Variants in PPP2R1A observed in about 807,000 individuals in gnomAD.
PPP2R1A encodes serine/threonine-protein phosphatase 2A 65 kDa regulatory subunit A alpha isoform.
A neutral mutation model predicts 67.1 loss-of-function variants in PPP2R1A; 15 were observed. The ratio of observed to expected loss-of-function variants is 0.22; its 90% CI spans 0.15 to 0.34. The LOEUF (loss-of-function observed/expected upper bound fraction) is 0.34. PPP2R1A is among the 10% of genes least tolerant of loss of function. The probability of loss-of-function intolerance (pLI) is 1.00; values close to 1 mark genes in which losing one functional copy is unlikely to be tolerated. For missense variants in PPP2R1A, 369 were observed against 775.0 expected (o/e 0.48, Z 6.22); for synonymous variants, 337 against 325.0 (o/e 1.04, Z -0.40).
intron 1 of PPP2R1A, among the ~76,000 whole-genome samples, chr19:52,200,911 G>A (rs1360171941): frequency 3.9e-5 from 6 of 151,986 alleles, no homozygotes; most frequent in Non-Finnish European, 8.8e-5. Context: ...ACTTAACTAC[G>A]TCTGCAAAGA....
intron 3 of PPP2R1A, 151 bp downstream of exon 3, chr19:52,206,214 G>A (rs2089600901): frequency 1.5e-6 from 1 of 659,164 alleles, no homozygotes; most frequent in Non-Finnish European, 2.6e-6. Flanking sequence ...CAACAAGTCA[G>A]GAGTGGCTTT....
chr19:52,197,369 C>G (rs1033343001), intron 1 of PPP2R1A, among the ~76,000 whole-genome samples: 1 of 152,056 alleles, frequency 6.6e-6, no homozygotes, highest in African/African-American at 2.4e-5. Context: ...CACCCCACCC[C>G]TCTACAAGAG....
At chr19:52,190,384 A>C in intron 1 of PPP2R1A, 1 of 630,656 alleles carries the variant, frequency 1.6e-6, no homozygotes, top group Non-Finnish European at 2.8e-6. Context: ...GGCCAGCGCT[A>C]GCCTCGAGGG....
At chr19:52,224,990 C>T (rs149222536) in intron 13 of PPP2R1A, among the ~76,000 whole-genome samples, 5 of 150,610 alleles carry the variant, frequency 3.3e-5, no homozygotes, top group East Asian at 3.9e-4. Context: ...CTTGAGCCCC[C>T]GTGCTCGGCC....
At chr19:52,205,519 T>C (rs1479835375) in intron 2 of PPP2R1A, among the ~76,000 whole-genome samples, 1 of 152,130 alleles carries the variant, frequency 6.6e-6, no homozygotes, top group Non-Finnish European at 1.5e-5. Context: ...GCGGCTAAAC[T>C]GAATCTCCAA....
rs1019700901 is a variant in PPP2R1A at position 52,211,630 on chromosome 19, T to C, written c.503+138T>C. On this transcript the variant is annotated intron_variant, in intron 4 of 14. Coordinates refer to ENST00000322088, the MANE Select transcript of PPP2R1A (RefSeq NM_014225.6). The surrounding 1 kb of genome is among the most constrained non-coding windows in gnomAD (Gnocchi z 5.3). ...ACTCCCACTCCTGCTTACCACCTGA[T>C]AGGCCACATCCTCGAGAGTTGGTCT... 8 of 834,594 alleles carry C rather than the reference T, an allele frequency of 9.6e-6. No homozygotes were observed. Among genetic ancestry groups the C allele is most frequent in the Non-Finnish European group, 1.5e-5 (8 of 544,106 alleles). The allele number at this position is 834,594 out of a possible 1,614,324, so 51.7% of individuals were successfully genotyped here.
intron 1 of PPP2R1A, among the ~76,000 whole-genome samples, chr19:52,199,944 A>G (rs1436223587): frequency 6.6e-6 from 1 of 152,140 alleles, no homozygotes; most frequent in East Asian, 1.9e-4. Context: ...TGTATGAAAG[A>G]TTTACTGTGT....
chr19:52,220,966 C>A lies in PPP2R1A; in HGVS notation c.1364-13C>A. Reference sequence around the variant, plus strand: ...TCCAAATCCCTGTCTCTCTCACCCTCACCCTTCTGCAGTATATGCCATCCG... The same window carrying A: ...TCCAAATCCCTGTCTCTCTCACCCTAACCCTTCTGCAGTATATGCCATCCG... On this transcript the variant is annotated splice_polypyrimidine_tract_variant and intron_variant, in intron 11 of 14. Coordinates refer to ENST00000322088, the MANE Select transcript of PPP2R1A (RefSeq NM_014225.6). 4 of 1,613,996 alleles carry A rather than the reference C, an allele frequency of 2.5e-6. No homozygotes were observed. The South Asian group carries it at 3.3e-5, about 13-fold the overall frequency.
chr19:52,225,298 A>G (rs1355365879), intron 13 of PPP2R1A, among the ~76,000 whole-genome samples: 2 of 152,208 alleles, frequency 1.3e-5, no homozygotes, highest in East Asian at 3.9e-4. Flanking sequence ...CTGGGATTAC[A>G]GATGTGAGCC....
intron 9 of PPP2R1A, among the ~76,000 whole-genome samples, chr19:52,217,954 A>C (rs1978683356): frequency 6.6e-6 from 1 of 152,092 alleles, no homozygotes; most frequent in South Asian, 2.1e-4. Context: ...GAAGGATTGA[A>C]GTGAGGTGGC....
rs1600175946 is a variant in PPP2R1A, at chr19:52,226,018, A to C, written c.*37A>C. The C allele has an allele frequency of 6.2e-7, 1 of 1,613,906 alleles. No individual in the cohort carries two copies. ...GAGCAAACACTGGCCTCTGGTGTCC[A>C]CCCTCCAACCCCCACAAGTCCCTCT... On this transcript the variant is annotated 3_prime_UTR_variant, in exon 15 of 15. Transcript: ENST00000322088.
intron 1 of PPP2R1A, among the ~76,000 whole-genome samples, chr19:52,194,946 G>GT (rs2089484858): frequency 1.3e-5 from 2 of 152,226 alleles, no homozygotes; most frequent in South Asian, 2.1e-4. Context: ...TGGGCTGTTT[G>GT]TTTTTTTGGT....
chr19:52,193,063 A>G (rs1367998406), intron 1 of PPP2R1A, among the ~76,000 whole-genome samples: 1 of 152,268 alleles, frequency 6.6e-6, no homozygotes, highest in African/African-American at 2.4e-5. Flanking sequence ...TGTTAGGTAC[A>G]GTACAGAGGA....
Position 52,211,921 on chromosome 19 carries a change from A to C in PPP2R1A, c.503+429A>C, listed in dbSNP as rs192604528. ...TGCTCGTCTACTTTGCAAACGATTG[A>C]CCGTCAAGCCCGGGTTTGAGCCTGA... On this transcript the variant is annotated intron_variant, in intron 4 of 14. Coordinates refer to ENST00000322088, the MANE Select transcript of PPP2R1A (RefSeq NM_014225.6). This position sits in a 1 kb window ranked among gnomAD's most constrained non-coding sequence, Gnocchi z 5.3. 7.6e-4 allele frequency among the ~76,000 whole-genome samples: 116 copies of C among 152,270 alleles called. No individual in the cohort carries two copies. The highest frequency in any genetic ancestry group is 2.6e-3 in the African/African-American group (110 of 41,542).
Position 52,219,678 on chromosome 19 carries a change from TTCCTC to T in PPP2R1A, c.1129-7_1129-3del, listed in dbSNP as rs1064797248. On this transcript the variant is annotated splice_polypyrimidine_tract_variant and splice_region_variant and intron_variant, in intron 9 of 14. Transcript: ENST00000322088. The surrounding 1 kb of genome is among the most constrained non-coding windows in gnomAD (Gnocchi z 4.0). ...CATTGCATTCTCTCAGAATCCTTCTTTCCTCTCCTCAGTGCCCTGAGGTACGGCTG... is the reference window on the plus strand; with the variant it reads ...CATTGCATTCTCTCAGAATCCTTCTTTCCTCAGTGCCCTGAGGTACGGCTG... 9.4e-6 allele frequency: 15 copies of T among 1,603,632 alleles called. No homozygotes were observed. Among genetic ancestry groups the T allele is most frequent in the Non-Finnish European group, 1.2e-5 (14 of 1,172,360 alleles).
At chr19:52,222,931 C>A (rs1979029511) in intron 13 of PPP2R1A, among the ~76,000 whole-genome samples, 1 of 152,250 alleles carries the variant, frequency 6.6e-6, no homozygotes, top group African/African-American at 2.4e-5. Flanking sequence ...TCCCTGAACT[C>A]ATCTTTAGAT....
intron 1 of PPP2R1A, chr19:52,190,896 C>G (rs1388320739): frequency 6.6e-6 from 1 of 152,418 alleles, no homozygotes; most frequent in African/African-American, 2.4e-5. Flanking sequence ...CTGTGTCGCC[C>G]AGGCTGGGGC....
rs1284088279 is a variant in PPP2R1A at position 52,226,023 on chromosome 19, C to T, written c.*42C>T. On this transcript the variant is annotated 3_prime_UTR_variant, in exon 15 of 15. Transcript: ENST00000322088. ...AACACTGGCCTCTGGTGTCCACCCT[C>T]CAACCCCCACAAGTCCCTCTTTGGG... is the stretch of plus-strand genomic sequence containing the variant. The T allele has an allele frequency of 6.2e-7, 1 of 1,614,126 alleles. No homozygotes were observed. Among genetic ancestry groups the T allele is most frequent in the Admixed American group, 1.7e-5 (1 of 60,036 alleles).
intron 3 of PPP2R1A, among the ~76,000 whole-genome samples, chr19:52,210,466 G>A (rs1568592429): frequency 6.7e-6 from 1 of 149,270 alleles, no homozygotes; most frequent in Non-Finnish European, 1.5e-5. Flanking sequence ...AAGCCAGGCT[G>A]TACCTCAGTT....
Sources: gnomAD v4.1 joint callset for allele counts (sites outside exome capture counted in the v4.1 genomes callset) on GRCh38, gnomAD v4.1.1 for gene constraint, Gnocchi (gnomAD v3.1) non-coding constraint, MANE v1.5 for transcripts, NCBI Gene and HGNC (gene_info 2026-07-23, HGNC 2026-07-21) for gene names.